ATP11B: variants seen among roughly 807,000 people sequenced by gnomAD.
ATP11B encodes ATPase phospholipid transporting 11B (putative).
A neutral mutation model predicts 157.8 loss-of-function variants in ATP11B; 81 were observed. That is an observed-to-expected ratio of 0.51 (90% CI 0.43 to 0.62). The LOEUF is 0.62. ATP11B is among the 20% of genes least tolerant of loss of function. The pLI, the probability that ATP11B is intolerant of heterozygous loss-of-function variation, is 0.00. For missense variants in ATP11B, 1,165 were observed against 1,402.2 expected (o/e 0.83, Z 2.70); for synonymous variants, 451 against 469.4 (o/e 0.96, Z 0.51).
chr3:182,859,508 C>T, intron 12 of ATP11B, 149 bp downstream of exon 12: 1 of 541,434 alleles, frequency 1.8e-6, no homozygotes, highest in South Asian at 4.4e-5. Context: ...AATTTTTAAA[C>T]CCTAAGTTGT....
Position 182,824,131 on chromosome 3 carries a change from T to A in ATP11B, c.144+3755T>A, listed in dbSNP as rs375126313. Reference sequence around the variant, plus strand: ...TTTTCGTAACATAATGCTTTTGGGGTTCATTTTTGTTGTTGCAAGTATTAG... The same window carrying A: ...TTTTCGTAACATAATGCTTTTGGGGATCATTTTTGTTGTTGCAAGTATTAG... On this transcript the variant is annotated intron_variant, in intron 2 of 29. Transcript: ENST00000323116. Among the ~76,000 whole-genome samples the A allele has an allele frequency of 3.4e-4, 52 of 152,236 alleles. No homozygotes were observed. The Middle Eastern group carries it at 0.017, about 50-fold the overall frequency.
rs763884334 is a variant in ATP11B, at chr3:182,897,295, T to C, written c.3049-8T>C. ...TATATTTCTAAGGATATAAAAACTT[T>C]TTTTTAGATGGCTCTGGAAACTCAT... On this transcript the variant is annotated splice_region_variant and splice_polypyrimidine_tract_variant and intron_variant, in intron 26 of 29. Transcript: ENST00000323116. 1.3e-6 allele frequency: 2 copies of C among 1,533,346 alleles called. No individual in the cohort carries two copies. The highest frequency in any genetic ancestry group is 2.4e-5 in the Admixed American group (1 of 41,570). 95.0% of individuals were successfully genotyped at this position (1,533,346 alleles called of 1,614,324 possible).
At chr3:182,798,344 A>G (rs1228037251) in intron 1 of ATP11B, among the ~76,000 whole-genome samples, 1 of 152,230 alleles carries the variant, frequency 6.6e-6, no homozygotes, top group East Asian at 1.9e-4. Context: ...CTAATTCAGC[A>G]TCAGTTTGAA....
chr3:182,908,196 C>CT (rs10716562), intron 28 of ATP11B, among the ~76,000 whole-genome samples: 2,929 of 70,748 alleles, frequency 0.041, 141 homozygotes, highest in African/African-American at 0.086. Context: ...TTATTATTTT[C>CT]TTTTTTTTTT....
At chr3:182,822,164 A>G (rs192605385) in intron 2 of ATP11B, among the ~76,000 whole-genome samples, 2 of 151,804 alleles carry the variant, frequency 1.3e-5, no homozygotes, top group Admixed American at 1.3e-4. Flanking sequence ...ACATGTGCAC[A>G]GCGTGCAGGT....
chr3:182,900,641 C>T (rs1213840422), intron 28 of ATP11B, among the ~76,000 whole-genome samples: 1 of 152,108 alleles, frequency 6.6e-6, no homozygotes, highest in Non-Finnish European at 1.5e-5. Context: ...ATTTTTAAGG[C>T]TTTGTCCATT....
At chr3:182,884,921 C>A in intron 22 of ATP11B, 23 bp downstream of exon 22, 1 of 1,245,688 alleles carries the variant, frequency 8.0e-7, no homozygotes. Context: ...TATTTAGAAT[C>A]AATTATTGAT....
At chr3:182,812,636 A>T (rs762516457) in intron 1 of ATP11B, among the ~76,000 whole-genome samples, 3 of 152,228 alleles carry the variant, frequency 2.0e-5, no homozygotes, top group Non-Finnish European at 4.4e-5. Flanking sequence ...TGGTTGAATT[A>T]TGGCCAAATA....
intron 15 of ATP11B, 51 bp from the exon 16 acceptor site, chr3:182,869,027 A>G: frequency 1.7e-6 from 2 of 1,203,088 alleles, no homozygotes; most frequent in Middle Eastern, 2.5e-4. Flanking sequence ...GTCACTTAAT[A>G]TTATTTTAAA....
intron 24 of ATP11B, among the ~76,000 whole-genome samples, chr3:182,889,152 C>T (rs1723000905): frequency 6.6e-6 from 1 of 152,158 alleles, no homozygotes; most frequent in South Asian, 2.1e-4. Flanking sequence ...TAAGCCATCG[C>T]ACCCAGTCTT....
At chr3:182,806,080 A>G (rs9818890) in intron 1 of ATP11B, among the ~76,000 whole-genome samples, 84,961 of 152,000 alleles carry the variant, frequency 0.56, 25,188 homozygotes, top group Non-Finnish European at 0.67. Context: ...GCAAGAGTTC[A>G]TGAGTGGTAA....
chr3:182,902,050 T>C (rs957202275), intron 28 of ATP11B, among the ~76,000 whole-genome samples: 2 of 152,332 alleles, frequency 1.3e-5, no homozygotes, highest in East Asian at 1.9e-4. Context: ...TCCTTTTTTT[T>C]GCTGAAACAG....
Position 182,869,145 on chromosome 3 carries a change from C to T in ATP11B, c.1756C>T (p.Pro586Ser). Residue 586 changes from proline to serine, a missense_variant, in exon 16 of 30, where the codon CCT becomes TCT. Pro to Ser is a moderately conservative substitution (Grantham distance 74). This residue lies in a region of ATP11B where 737 missense variants were observed against 930.5 expected (regional missense o/e 0.79). Transcript: ENST00000323116. ...GAGAATGAGTGTAATTGTTCAGGCA[C>T]CTTCAGGTAACCAATCTAAACTTTC... ...RRRMSVIVQA[P>S]SGEKLLFAKG... The T allele has an allele frequency of 6.2e-7, 1 of 1,609,786 alleles. No homozygotes were observed. The highest frequency in any genetic ancestry group is 1.3e-5 in the African/African-American group (1 of 74,866).
intron 10 of ATP11B, among the ~76,000 whole-genome samples, chr3:182,855,732 A>C (rs772125705): frequency 2.2e-4 from 34 of 152,186 alleles, no homozygotes; most frequent in Non-Finnish European, 5.0e-4. Flanking sequence ...ATATTTCACC[A>C]CATGCATAAT....
At position 182,825,556 on chromosome 3, in the gene ATP11B, TA is replaced by T. The variant is rs1380126409; in HGVS notation, c.145-2557del. Among the ~76,000 whole-genome samples, 12 of 151,898 alleles carry T rather than the reference TA, an allele frequency of 7.9e-5. No homozygotes were observed. The East Asian group carries it at 2.1e-3, about 27-fold the overall frequency. ...CAACAGGGTGAAACCCCGTCTCTAC[TA>T]AAAAAATACAAAAAAATTAGCCAGG... On this transcript the variant is annotated intron_variant, in intron 2 of 29. Coordinates refer to ENST00000323116, the MANE Select transcript of ATP11B (RefSeq NM_014616.3).
rs568098753 is a variant in ATP11B, at chr3:182,871,426, C to T, written c.1867-930C>T. Among the ~76,000 whole-genome samples the T allele has an allele frequency of 2.0e-5, 3 of 152,264 alleles. No homozygotes were observed. The East Asian group carries it at 5.8e-4, about 29-fold the overall frequency. On this transcript the variant is annotated intron_variant, in intron 17 of 29. Transcript: ENST00000323116. ...GATGAATACTATAAGAAAACTTTGG[C>T]CCTAGTAGAACCAGATAATCAATTC...
chr3:182,872,642 A>T (rs1452233717), intron 18 of ATP11B, 105 bp downstream of exon 18: 2 of 1,019,728 alleles, frequency 2.0e-6, no homozygotes, highest in East Asian at 5.2e-5. Context: ...ATCCCATGAT[A>T]TATTTAAGAT....
At chr3:182,806,712 A>AT (rs1716349613) in intron 1 of ATP11B, among the ~76,000 whole-genome samples, 2 of 152,260 alleles carry the variant, frequency 1.3e-5, no homozygotes, top group South Asian at 2.1e-4. Context: ...CTCTTTCTGC[A>AT]TATGTGCCTG....
At chr3:182,804,855 T>C in intron 1 of ATP11B, among the ~76,000 whole-genome samples, 1 of 152,228 alleles carries the variant, frequency 6.6e-6, no homozygotes, top group East Asian at 1.9e-4. Context: ...CTGAACATTT[T>C]ATATAAATGT....
Sources: gnomAD v4.1 joint callset for allele counts (sites outside exome capture counted in the v4.1 genomes callset) on GRCh38, gnomAD v4.1.1 for gene constraint, gnomAD v4.1.1 regional missense constraint, MANE v1.5 for transcripts, NCBI Gene and HGNC (gene_info 2026-07-23, HGNC 2026-07-21) for gene names.